Variants in UPF2 observed in about 807,000 individuals in gnomAD.
The protein encoded by UPF2 is regulator of nonsense transcripts 2.
Under a neutral mutation model 141.4 loss-of-function variants are expected in UPF2, and 17 were observed. The ratio of observed to expected loss-of-function variants is 0.12; its 90% CI spans 0.08 to 0.18. UPF2 has a LOEUF of 0.18. Ranked by LOEUF, UPF2 falls within the 10% of genes least tolerant of loss-of-function variation. The pLI, the probability that UPF2 is intolerant of heterozygous loss-of-function variation, is 1.00. For synonymous variants in UPF2, 540 were observed against 498.0 expected (o/e 1.08, Z -1.12); for missense variants, 1,152 against 1,515.9 (o/e 0.76, Z 3.99).
At chr10:11,926,125 G>T (rs1832709948) in intron 21 of UPF2, among the ~76,000 whole-genome samples, 1 of 152,224 alleles carries the variant, frequency 6.6e-6, no homozygotes, top group Admixed American at 6.5e-5. Flanking sequence ...GAAAAGGCAA[G>T]AGTGAGGGCC....
intron 9 of UPF2, among the ~76,000 whole-genome samples, chr10:11,969,514 T>C (rs1253132354): frequency 6.6e-6 from 1 of 152,166 alleles, no homozygotes; most frequent in African/African-American, 2.4e-5. Flanking sequence ...AAAATAGTTT[T>C]GCAATTAGCG....
rs191416171 is a variant in UPF2 at position 11,970,374 on chromosome 10, A to C, written c.1954-2920T>G. On this transcript the variant is annotated intron_variant, in intron 9 of 21. Transcript: ENST00000357604. ...AAAGGTAAAAATAAAACTAAAAAAC[A>C]ACCACCAAAATGTTAAGAGTCTGCT... 5.3e-5 allele frequency among the ~76,000 whole-genome samples: 8 copies of C among 152,334 alleles called. No individual in the cohort carries two copies. In the East Asian group the frequency reaches 1.2e-3, roughly 22 times the overall value.
rs930402549 is a variant in UPF2 at position 12,031,195 on chromosome 10, A to C, written c.366-1671T>G. Among the ~76,000 whole-genome samples the C allele has an allele frequency of 1.2e-4, 18 of 151,272 alleles. 1 individual carries two copies. The highest frequency in any genetic ancestry group is 4.4e-4 in the African/African-American group (18 of 41,228). ...TCTCAAAAAAAAAAAAAAAAACAAA[A>C]CAGTTTTGCAATGTTAGATATTGTT... On this transcript the variant is annotated intron_variant, in intron 2 of 21. Coordinates refer to ENST00000357604, the MANE Select transcript of UPF2 (RefSeq NM_015542.4).
At chr10:12,001,602 G>C in intron 6 of UPF2, 74 bp downstream of exon 6, 1 of 1,355,302 alleles carries the variant, frequency 7.4e-7, no homozygotes, top group Non-Finnish European at 1.0e-6. Flanking sequence ...AAGGAGAAAA[G>C]ATCTATATTC....
In UPF2 at chr10:11,935,290, G is replaced by C. The variant is rs568687029; in HGVS notation, c.3546+1255C>G. On this transcript the variant is annotated intron_variant, in intron 19 of 21. Transcript: ENST00000357604. The surrounding 1 kb of genome is among the most constrained non-coding windows in gnomAD (Gnocchi z 4.9). ...CCTCCCAACACCAGAATGAAAGCTC[G>C]CAAGAGAGGAAGGACTCTGGCTAAC... is the stretch of plus-strand genomic sequence containing the variant. Among the ~76,000 whole-genome samples, 1 of 152,098 alleles carries C rather than the reference G, an allele frequency of 6.6e-6. No individual in the cohort carries two copies. The highest frequency in any genetic ancestry group is 6.6e-5 in the Admixed American group (1 of 15,266).
chr10:11,937,780 C>T (rs1210921645), intron 18 of UPF2, among the ~76,000 whole-genome samples: 1 of 152,148 alleles, frequency 6.6e-6, no homozygotes, highest in South Asian at 2.1e-4. Flanking sequence ...ATTCAAGAGA[C>T]TTGCAAATCA....
chr10:12,028,888 A>T lies in UPF2; in HGVS notation c.1002T>A (p.Phe334Leu). 6.2e-7 allele frequency: 1 copy of T among 1,614,182 alleles called. No homozygotes were observed. The highest frequency in any genetic ancestry group is 1.7e-5 in the Admixed American group (1 of 60,022). ...TCTCACTAGGAGGAAAACTCAAATT[A>T]AACTTCTCTGCAGCACTCTTTACTT... The part of the protein sequence containing the change: ...PRKVKSAAEK[F>L]NLSFPPSEII... The change falls in exon 3 of 22, where the codon TTT becomes TTA. Residue 334 changes from phenylalanine to leucine, a missense_variant. Phe to Leu is a conservative substitution (Grantham distance 22). Transcript: ENST00000357604.
At position 11,936,632 on chromosome 10, in the gene UPF2, C is replaced by T. The variant is rs762423983; in HGVS notation, c.3459G>A (p.Gly1153=). The change falls in exon 19 of 22, where the codon GGG becomes GGA. Residue 1153 remains glycine (G), a synonymous_variant. Coordinates refer to ENST00000357604, the MANE Select transcript of UPF2 (RefSeq NM_015542.4). This position sits in a 1 kb window ranked among gnomAD's most constrained non-coding sequence, Gnocchi z 6.6. The part of the protein sequence containing the change: ...PLHLKSQLRK[G]PPLGGGEGEA... ...CTCCTTCCCCACCTCCCAGTGGGGGCCCTTTCCTCAGCTGGCTTTTGAGAT... is the reference window on the plus strand; with the variant it reads ...CTCCTTCCCCACCTCCCAGTGGGGGTCCTTTCCTCAGCTGGCTTTTGAGAT... 1.9e-6 allele frequency: 3 copies of T among 1,613,546 alleles called. No homozygotes were observed. The highest frequency in any genetic ancestry group is 1.7e-5 in the Admixed American group (1 of 59,932).
In UPF2 at chr10:11,921,111, C is replaced by T. The variant is rs370917960; in HGVS notation, c.*187G>A. ...CCTTTTCCGCCTTGTCTGGAAGCGT[C>T]GGCTTGTTCCGGTGTTGGCAGAGGC... is the stretch of plus-strand genomic sequence containing the variant. On this transcript the variant is annotated 3_prime_UTR_variant, in exon 22 of 22. Coordinates refer to ENST00000357604, the MANE Select transcript of UPF2 (RefSeq NM_015542.4). This position sits in a 1 kb window ranked among gnomAD's most constrained non-coding sequence, Gnocchi z 5.9. 7.3e-6 allele frequency: 6 copies of T among 823,208 alleles called. No individual in the cohort carries two copies. Among genetic ancestry groups the T allele is most frequent in the African/African-American group, 1.7e-5 (1 of 59,832 alleles). The allele number at this position is 823,208 out of a possible 1,614,324, so 51.0% of individuals were successfully genotyped here.
Position 11,931,670 on chromosome 10 carries a change from T to C in UPF2, c.3659A>G (p.Asn1220Ser), listed in dbSNP as rs1365206129. Residue 1220 changes from asparagine (N) to serine (S), a missense_variant, in exon 20 of 22, where the codon AAT becomes AGT. By Grantham distance (46) the Asn-to-Ser change is conservative (BLOSUM62 1). Transcript: ENST00000357604. The surrounding 1 kb of genome is among the most constrained non-coding windows in gnomAD (Gnocchi z 5.9). ...MRMKKLTLDI[N>S]ERQEQEDYQE... ...ATAATCTTCTTGTTCTTGCCGTTCA[T>C]TGATATCTAGTGTGAGCTTTTTCAT... The C allele has an allele frequency of 6.2e-7, 1 of 1,608,198 alleles. No individual in the cohort carries two copies. The highest frequency in any genetic ancestry group is 1.1e-5 in the South Asian group (1 of 89,144).
chr10:11,985,337 C>T (rs1198861195), intron 8 of UPF2, among the ~76,000 whole-genome samples: 1 of 152,110 alleles, frequency 6.6e-6, no homozygotes, highest in Non-Finnish European at 1.5e-5. Context: ...GTTAGTCCTG[C>T]TTAAGAATGC....
intron 16 of UPF2, among the ~76,000 whole-genome samples, chr10:11,947,786 C>CAAAAAAAAAAAAA (rs58897556): frequency 1.5e-5 from 1 of 65,578 alleles, no homozygotes; most frequent in African/African-American, 5.8e-5. Context: ...AACCTTGTCT[C>CAAAAAAAAAAAAA]AAAAAAAAAA....
intron 1 of UPF2, among the ~76,000 whole-genome samples, chr10:12,038,055 C>T (rs760130432): frequency 2.0e-5 from 3 of 152,142 alleles, no homozygotes; most frequent in South Asian, 2.1e-4. Context: ...AAACTCACAA[C>T]AACAACAAAA....
chr10:11,968,693 A>G, intron 9 of UPF2, among the ~76,000 whole-genome samples: 1 of 152,220 alleles, frequency 6.6e-6, no homozygotes, highest in Non-Finnish European at 1.5e-5. Context: ...GAATTATCAG[A>G]TGCAACAAAA....
At chr10:11,985,472 C>T (rs1833672827) in intron 8 of UPF2, among the ~76,000 whole-genome samples, 1 of 151,912 alleles carries the variant, frequency 6.6e-6, no homozygotes, top group Non-Finnish European at 1.5e-5. Context: ...CCTGTCTCTA[C>T]TAAAAATACA....
intron 9 of UPF2, among the ~76,000 whole-genome samples, 177 bp from the exon 10 acceptor site, chr10:11,967,631 C>T (rs1390975894): frequency 6.7e-6 from 1 of 149,294 alleles, no homozygotes; most frequent in Non-Finnish European, 1.5e-5. Context: ...CTCACTGCAA[C>T]CTCCGCCTCC....
chr10:12,006,751 C>G (rs1292537060), intron 4 of UPF2, among the ~76,000 whole-genome samples: 1 of 152,098 alleles, frequency 6.6e-6, no homozygotes, highest in Non-Finnish European at 1.5e-5. Context: ...GTCCTTGGTT[C>G]CTGGCAGACC....
chr10:12,004,607 G>A lies in UPF2; in HGVS notation c.1427C>T (p.Ala476Val). Residue 476 changes from alanine to valine, a missense_variant, in exon 5 of 22, where the codon GCT becomes GTT. By Grantham distance (64) the Ala-to-Val change is moderately conservative. Coordinates refer to ENST00000357604, the MANE Select transcript of UPF2 (RefSeq NM_015542.4). ...NFYENLIDLK[A>V]FVPAILFKDN... ...TTTAAACAAGATGGCTGGGACAAAA[G>A]CCTTCAAATCAATGAGGTTCTCATA... 1 of 1,613,780 alleles carries A rather than the reference G, an allele frequency of 6.2e-7. No individual in the cohort carries two copies. The highest frequency in any genetic ancestry group is 8.5e-7 in the Non-Finnish European group (1 of 1,179,870).
At chr10:12,036,837 C>G (rs182423107) in intron 1 of UPF2, among the ~76,000 whole-genome samples, 1 of 152,248 alleles carries the variant, frequency 6.6e-6, no homozygotes, top group Non-Finnish European at 1.5e-5. Flanking sequence ...ACCAACCTGA[C>G]TAACATGGAG....
Sources: allele counts gnomAD v4.1 joint callset (sites outside exome capture counted in the v4.1 genomes callset), GRCh38; gene constraint gnomAD v4.1.1; non-coding constraint Gnocchi (gnomAD v3.1); transcripts MANE v1.5; gene names NCBI Gene and HGNC (gene_info 2026-07-23, HGNC 2026-07-21).